RBL1: variants seen among roughly 807,000 people sequenced by gnomAD.
The protein encoded by RBL1 is RB transcriptional corepressor like 1, also known as retinoblastoma-like protein 1.
RBL1 carries 82 observed loss-of-function variants against 123.0 expected under a neutral mutation model. The observed-to-expected ratio is 0.67, with a 90% CI of 0.56 to 0.80. RBL1 has a LOEUF of 0.80. Ranked by LOEUF, RBL1 falls within the 30% of genes least tolerant of loss-of-function variation. The probability of loss-of-function intolerance (pLI) is 0.00; values close to 1 mark genes in which losing one functional copy is unlikely to be tolerated. For synonymous variants in RBL1, 405 were observed against 441.3 expected (o/e 0.92, Z 1.03); for missense variants, 1,171 against 1,299.6 (o/e 0.90, Z 1.52).
chr20:37,007,502 C>A lies in RBL1; in HGVS notation c.2780G>T (p.Arg927Ile), dbSNP rs763135156. Residue 927 changes from arginine to isoleucine, a missense_variant, in exon 20 of 22, where the codon AGA becomes ATA. By Grantham distance (97) the Arg-to-Ile change is moderately conservative. Transcript: ENST00000373664. ...ATTGTAAAATTTTATAAGATCACCT[C>A]TTTCCTCTTTCACTGGTCCACTGGA... ...DCSSGPVKEE[R>I]GDLIKFYNTI... 1.2e-6 allele frequency: 2 copies of A among 1,613,882 alleles called. No homozygotes were observed. The highest frequency in any genetic ancestry group is 2.2e-5 in the South Asian group (2 of 91,072).
intron 2 of RBL1, among the ~76,000 whole-genome samples, chr20:37,086,041 G>A (rs2065540509): frequency 6.6e-6 from 1 of 152,110 alleles, no homozygotes; most frequent in Admixed American, 6.5e-5. Flanking sequence ...CACCTCCAAG[G>A]TTCAAGTGAT....
chr20:37,026,231 T>C lies in RBL1; in HGVS notation c.2383-3405A>G, dbSNP rs117441499. ...CACATTAGAGGTACTGTGAAAGAAATAGGATTTGATATAAAAATGTAAAAA... is the reference window on the plus strand; with the variant it reads ...CACATTAGAGGTACTGTGAAAGAAACAGGATTTGATATAAAAATGTAAAAA... On this transcript the variant is annotated intron_variant, in intron 16 of 21. Transcript: ENST00000373664. Among the ~76,000 whole-genome samples, 175 of 152,256 alleles carry C rather than the reference T, an allele frequency of 1.1e-3. 7 individuals are homozygous for C. The East Asian group carries it at 0.026, about 22-fold the overall frequency.
intron 14 of RBL1, among the ~76,000 whole-genome samples, chr20:37,036,853 C>T (rs1207236754): frequency 6.6e-6 from 1 of 152,060 alleles, no homozygotes; most frequent in Non-Finnish European, 1.5e-5. Context: ...TCTCGATCTC[C>T]TGACCTCGTG....
intron 7 of RBL1, among the ~76,000 whole-genome samples, chr20:37,064,471 T>A (rs1405226873): frequency 6.6e-6 from 1 of 151,998 alleles, no homozygotes; most frequent in East Asian, 1.9e-4. Flanking sequence ...TGGCCGGGTG[T>A]GGTGGGTCAT....
intron 16 of RBL1, among the ~76,000 whole-genome samples, chr20:37,025,598 T>C (rs957124663): frequency 1.3e-5 from 2 of 152,104 alleles, no homozygotes; most frequent in African/African-American, 4.8e-5. Flanking sequence ...ATGTAACTTC[T>C]AGGACAGGTT....
intron 19 of RBL1, among the ~76,000 whole-genome samples, chr20:37,011,612 T>C (rs1244266448): frequency 6.6e-6 from 1 of 151,920 alleles, no homozygotes; most frequent in African/African-American, 2.4e-5. Flanking sequence ...TTTTTGTATT[T>C]TTAGTAAAGA....
chr20:37,058,154 C>CAAAAAAAAAAA (rs2065043772), intron 9 of RBL1, among the ~76,000 whole-genome samples: 1 of 131,978 alleles, frequency 7.6e-6, no homozygotes, highest in Admixed American at 7.9e-5. Flanking sequence ...AAAAAAAAAG[C>CAAAAAAAAAAA]CTATTCCAGG....
intron 11 of RBL1, among the ~76,000 whole-genome samples, chr20:37,052,419 C>T (rs1319294904): frequency 6.6e-6 from 1 of 151,506 alleles, no homozygotes; most frequent in East Asian, 1.9e-4. Flanking sequence ...GCAACCTCTT[C>T]CTCCCGGGCT....
chr20:37,011,717 G>A (rs1041535037), intron 19 of RBL1, among the ~76,000 whole-genome samples: 1 of 152,082 alleles, frequency 6.6e-6, no homozygotes, highest in Non-Finnish European at 1.5e-5. Context: ...TTACAGGTGT[G>A]AGCCACCATG....
chr20:37,028,456 G>A (rs1263643358), intron 16 of RBL1, among the ~76,000 whole-genome samples: 1 of 152,074 alleles, frequency 6.6e-6, no homozygotes, highest in Non-Finnish European at 1.5e-5. Flanking sequence ...TTGAACCCAG[G>A]AGTTCAAGGC....
chr20:37,083,990 C>T (rs1027503144), intron 2 of RBL1, among the ~76,000 whole-genome samples: 10 of 149,562 alleles, frequency 6.7e-5, no homozygotes, highest in Non-Finnish European at 1.5e-4. Flanking sequence ...CTCACTGCAG[C>T]CTCCACCTCC....
At chr20:37,058,754 G>T (rs1372153079) in intron 9 of RBL1, among the ~76,000 whole-genome samples, 2 of 151,062 alleles carry the variant, frequency 1.3e-5, no homozygotes, top group Admixed American at 1.3e-4. Flanking sequence ...CACAAACACA[G>T]ATGTCTTTCC....
intron 14 of RBL1, among the ~76,000 whole-genome samples, chr20:37,036,382 A>G (rs941271649): frequency 1.3e-5 from 2 of 151,814 alleles, no homozygotes; most frequent in Admixed American, 1.3e-4. Context: ...GGTTCAAGCG[A>G]TTCTCCTGCC....
At chr20:37,063,811 CTCTT>C (rs2065134498) in intron 7 of RBL1, among the ~76,000 whole-genome samples, 2 of 150,910 alleles carry the variant, frequency 1.3e-5, no homozygotes, top group Middle Eastern at 3.4e-3. Flanking sequence ...CATGCCCGGC[CTCTT>C]TCTTTTTTTC....
chr20:37,010,849 TC>T (rs1333762882), intron 19 of RBL1, among the ~76,000 whole-genome samples: 1 of 152,194 alleles, frequency 6.6e-6, no homozygotes, highest in African/African-American at 2.4e-5. Flanking sequence ...AAGATCTTGC[TC>T]TATCACCCAG....
intron 11 of RBL1, 89 bp from the exon 12 acceptor site, chr20:37,047,279 A>G (rs1271438277): frequency 6.9e-7 from 1 of 1,445,722 alleles, no homozygotes; most frequent in Non-Finnish European, 9.2e-7. Flanking sequence ...ACAAGAAAAA[A>G]TAACGTGCAA....
intron 18 of RBL1, among the ~76,000 whole-genome samples, chr20:37,018,858 G>GGAA (rs2146223704): frequency 6.6e-6 from 1 of 151,850 alleles, no homozygotes; most frequent in Admixed American, 6.6e-5. Context: ...GGCTGAGGCA[G>GGAA]AACTGCTTGA....
At chr20:37,007,689 T>C in intron 19 of RBL1, 130 bp from the exon 20 acceptor site, 3 of 829,834 alleles carry the variant, frequency 3.6e-6, no homozygotes, top group Non-Finnish European at 5.4e-6. Flanking sequence ...ACCTCCTGGA[T>C]TCAAGTGATC....
chr20:37,003,129 G>A (rs1329587505), intron 21 of RBL1, among the ~76,000 whole-genome samples: 1 of 152,218 alleles, frequency 6.6e-6, no homozygotes, highest in Non-Finnish European at 1.5e-5. Context: ...TTTGGACAGA[G>A]TTACAATCTG....
Sources: allele counts gnomAD v4.1 joint callset (sites outside exome capture counted in the v4.1 genomes callset), GRCh38; gene constraint gnomAD v4.1.1; transcripts MANE v1.5; gene names NCBI Gene and HGNC (gene_info 2026-07-23, HGNC 2026-07-21).